TRIM55: variants seen among roughly 807,000 people sequenced by gnomAD.
TRIM55 encodes the protein tripartite motif-containing protein 55.
A neutral mutation model predicts 60.9 loss-of-function variants in TRIM55; 50 were observed. The observed-to-expected ratio is 0.82, with a 90% CI of 0.65 to 1.04. The LOEUF is 1.04. Among genes scored for constraint, TRIM55 ranks in the 50% least tolerant of loss-of-function variants. TRIM55 has a pLI of 0.00. For synonymous variants in TRIM55, 237 were observed against 238.1 expected (o/e 1.00, Z 0.04); for missense variants, 681 against 666.9 (o/e 1.02, Z -0.23).
At chr8:66,167,336 T>A (rs973060106) in intron 9 of TRIM55, among the ~76,000 whole-genome samples, 2 of 152,228 alleles carry the variant, frequency 1.3e-5, no homozygotes, top group Non-Finnish European at 2.9e-5. Flanking sequence ...CTGTGAAGAA[T>A]TAATGACCTA....
chr8:66,119,695 C>T, the TRIM55 span, among the ~76,000 whole-genome samples: 1 of 152,188 alleles, frequency 6.6e-6, no homozygotes, highest in African/African-American at 2.4e-5. Flanking sequence ...CACCAAAAGA[C>T]GGTGACCCAG....
At chr8:66,122,196 C>G (rs11780171), upstream of TRIM55, among the ~76,000 whole-genome samples, 15,067 of 152,166 alleles carry the variant, frequency 0.099, 1,163 homozygotes, top group East Asian at 0.31. Flanking sequence ...AGGGAAAAGT[C>G]AAGCTGGGAA....
intron 9 of TRIM55, among the ~76,000 whole-genome samples, chr8:66,164,963 AAGGAAGGAAGG>A (rs1190096043): frequency 1.5e-5 from 2 of 129,264 alleles, no homozygotes; most frequent in Non-Finnish European, 3.1e-5. Context: ...GGAAGGAAGG[AAGGAAGGAAGG>A]AGGGGACTTA....
At chr8:66,113,391 C>CGGAG in the TRIM55 span, 1 of 404,764 alleles carries the variant, frequency 2.5e-6, no homozygotes, top group African/African-American at 2.0e-5. Flanking sequence ...GCTGGTAGAG[C>CGGAG]GGAGGACTGT....
chr8:66,136,723 A>G (rs1391867782), intron 3 of TRIM55, among the ~76,000 whole-genome samples: 1 of 152,242 alleles, frequency 6.6e-6, no homozygotes, highest in Non-Finnish European at 1.5e-5. Flanking sequence ...TGTTGAATAA[A>G]TGAGTATTTA....
intron 4 of TRIM55, among the ~76,000 whole-genome samples, chr8:66,140,906 G>A (rs1376784557): frequency 6.6e-6 from 1 of 152,308 alleles, no homozygotes; most frequent in African/African-American, 2.4e-5. Flanking sequence ...TTTTCTGATT[G>A]GTGAAGAGTT....
At position 66,154,180 on chromosome 8, in the gene TRIM55, CA is replaced by C; in HGVS notation, c.1371del (p.Pro458LeufsTer12). 1 of 1,614,102 alleles carries C rather than the reference CA, an allele frequency of 6.2e-7. No homozygotes were observed. Among genetic ancestry groups the C allele is most frequent in the Non-Finnish European group, 8.5e-7 (1 of 1,180,020 alleles). On this transcript the variant is annotated frameshift_variant, in exon 9 of 10. Coordinates refer to ENST00000315962, the MANE Select transcript of TRIM55 (RefSeq NM_184085.2). LOFTEE classifies it high-confidence loss of function. ...CAAACCCGGAAAGCCACCACCAACC[CA>C]CCTTGCACCCCAGGGAGCGAAGGTC... Reference protein sequence around the residue: ...KGQTRKATTNPPCTPGSEGLG... With the variant: ...KGQTRKATTNXPCTPGSEGLG...
intron 2 of TRIM55, 49 bp downstream of exon 2, chr8:66,128,525 T>C: frequency 6.4e-7 from 1 of 1,572,174 alleles, no homozygotes; most frequent in South Asian, 1.2e-5. Context: ...GAAACTTGTT[T>C]TTGTTTGTTT....
intron 2 of TRIM55, among the ~76,000 whole-genome samples, chr8:66,131,975 A>C (rs952401036): frequency 4.6e-5 from 7 of 152,248 alleles, no homozygotes; most frequent in African/African-American, 1.4e-4. Context: ...TAAATACATA[A>C]ATACATACAT....
upstream of TRIM55, among the ~76,000 whole-genome samples, chr8:66,126,372 G>T (rs1489900182): frequency 6.6e-6 from 1 of 152,182 alleles, no homozygotes; most frequent in Non-Finnish European, 1.5e-5. Flanking sequence ...GTGTTTTTGG[G>T]TGTATGTAGG....
Position 66,165,852 on chromosome 8 carries a change from G to T in TRIM55, c.1525-8619G>T, listed in dbSNP as rs541214834. ...CTAGGAAAAAAAATTGTAGGAGAGG[G>T]TAACATTTTTTTAACAAGTAAGTTT... is the stretch of plus-strand genomic sequence containing the variant. On this transcript the variant is annotated intron_variant, in intron 9 of 9. Coordinates refer to ENST00000315962, the MANE Select transcript of TRIM55 (RefSeq NM_184085.2). Among the ~76,000 whole-genome samples the T allele has an allele frequency of 7.9e-5, 12 of 152,190 alleles. 1 individual carries two copies. The highest frequency in any genetic ancestry group is 2.9e-4 in the African/African-American group (12 of 41,530).
At chr8:66,114,090 C>CA in the TRIM55 span, among the ~76,000 whole-genome samples, 15 of 137,032 alleles carry the variant, frequency 1.1e-4, 2 homozygotes, top group Non-Finnish European at 1.8e-4. Context: ...ACACCCCCCC[C>CA]CCCATTATTT....
the TRIM55 span, among the ~76,000 whole-genome samples, chr8:66,120,408 A>G: frequency 6.6e-6 from 1 of 152,068 alleles, no homozygotes; most frequent in African/African-American, 2.4e-5. Flanking sequence ...ATAACTATGG[A>G]CGGGGAAGGG....
chr8:66,120,723 C>T, the TRIM55 span, among the ~76,000 whole-genome samples: 1 of 152,228 alleles, frequency 6.6e-6, no homozygotes, highest in Non-Finnish European at 1.5e-5. Context: ...ACATTTGGGA[C>T]ACCCTGCAAC....
At chr8:66,149,269 C>T (rs780398232) in intron 4 of TRIM55, among the ~76,000 whole-genome samples, 1 of 152,090 alleles carries the variant, frequency 6.6e-6, no homozygotes, top group Non-Finnish European at 1.5e-5. Flanking sequence ...ATAGTATTTT[C>T]CTTGCATGCA....
chr8:66,162,693 C>A (rs1304054910), intron 9 of TRIM55, among the ~76,000 whole-genome samples: 1 of 152,082 alleles, frequency 6.6e-6, no homozygotes, highest in Non-Finnish European at 1.5e-5. Context: ...ATTTCAATCT[C>A]ACTGCTTGTT....
At chr8:66,168,313 G>A (rs1811435200) in intron 9 of TRIM55, among the ~76,000 whole-genome samples, 1 of 152,174 alleles carries the variant, frequency 6.6e-6, no homozygotes, top group Non-Finnish European at 1.5e-5. Flanking sequence ...TGGGTGACTG[G>A]CCTGGGTTCT....
At chr8:66,137,511 T>C (rs1479702889) in intron 4 of TRIM55, among the ~76,000 whole-genome samples, 2 of 152,234 alleles carry the variant, frequency 1.3e-5, no homozygotes, top group African/African-American at 2.4e-5. Context: ...CAGCAAACTT[T>C]CCTGGTGGAA....
intron 1 of TRIM55, among the ~76,000 whole-genome samples, chr8:66,128,071 A>C (rs1479258221): frequency 6.6e-6 from 1 of 152,178 alleles, no homozygotes; most frequent in African/African-American, 2.4e-5. Flanking sequence ...TTGGTTCTGA[A>C]AGTGGTGGAC....
Sources: gnomAD v4.1 joint callset for allele counts (sites outside exome capture counted in the v4.1 genomes callset) on GRCh38, gnomAD v4.1.1 for gene constraint, MANE v1.5 for transcripts, NCBI Gene and HGNC (gene_info 2026-07-23, HGNC 2026-07-21) for gene names.